Variants in ADGRD1 observed in about 807,000 individuals in gnomAD.
ADGRD1 encodes G-protein coupled receptor 133.
In ADGRD1, 77 loss-of-function variants were observed where a neutral mutation model predicts 113.4. The observed-to-expected ratio is 0.68, with a 90% CI of 0.57 to 0.82. The LOEUF (loss-of-function observed/expected upper bound fraction) is 0.82. Among genes scored for constraint, ADGRD1 ranks in the 40% least tolerant of loss-of-function variants. The pLI, the probability that ADGRD1 is intolerant of heterozygous loss-of-function variation, is 0.00. For synonymous variants in ADGRD1, 474 were observed against 475.0 expected (o/e 1.00, Z 0.03); for missense variants, 1,036 against 1,139.1 (o/e 0.91, Z 1.30).
In ADGRD1 at chr12:131,008,306, G is replaced by C. The variant is rs375390138; in HGVS notation, c.1331+2259G>C. On this transcript the variant is annotated intron_variant, in intron 12 of 24. Coordinates refer to ENST00000261654, the MANE Select transcript of ADGRD1 (RefSeq NM_198827.5). ...CCGTGCGGGCAGCACGTTTATGTGC[G>C]CACATATGCCGGGTTCCTGCCAGCC... Among the ~76,000 whole-genome samples the C allele has an allele frequency of 3.9e-5, 6 of 152,228 alleles. No individual in the cohort carries two copies. The South Asian group carries it at 6.2e-4, about 16-fold the overall frequency.
At chr12:131,125,782 A>T (rs985082002) in intron 20 of ADGRD1, among the ~76,000 whole-genome samples, 1 of 152,234 alleles carries the variant, frequency 6.6e-6, no homozygotes, top group Non-Finnish European at 1.5e-5. Context: ...CCTACAGAAC[A>T]TCATAGCCTA....
chr12:131,002,208 A>G (rs1177120724), intron 9 of ADGRD1, among the ~76,000 whole-genome samples: 2 of 152,228 alleles, frequency 1.3e-5, no homozygotes, highest in Non-Finnish European at 2.9e-5. Flanking sequence ...TTGAATGCAA[A>G]ATATGCAAAT....
chr12:130,958,069 C>A, intron 2 of ADGRD1: 1 of 156,534 alleles, frequency 6.4e-6, no homozygotes. Context: ...TCCCTTCCTC[C>A]TCACTGTTCC....
intron 20 of ADGRD1, among the ~76,000 whole-genome samples, chr12:131,125,330 C>A (rs1950715323): frequency 6.6e-6 from 1 of 152,130 alleles, no homozygotes; most frequent in South Asian, 2.1e-4. Context: ...ATGTCAGGGG[C>A]ACTTTAGCCT....
chr12:130,959,630 A>T (rs937440777), intron 2 of ADGRD1, among the ~76,000 whole-genome samples: 2 of 152,200 alleles, frequency 1.3e-5, no homozygotes, highest in African/African-American at 4.8e-5. Context: ...TTTGCTAGTC[A>T]TCTGGTAAAC....
chr12:131,006,125 C>A, intron 12 of ADGRD1, 78 bp downstream of exon 12: 2 of 1,173,136 alleles, frequency 1.7e-6, no homozygotes, highest in Non-Finnish European at 1.3e-6. Context: ...GGATGCCCGC[C>A]CCACACGCAC....
At chr12:131,135,712 T>C (rs66624209) in intron 21 of ADGRD1, among the ~76,000 whole-genome samples, 32,845 of 104,608 alleles carry the variant, frequency 0.31, 3,960 homozygotes, top group South Asian at 0.38. Context: ...TCCGTCCTGG[T>C]TCCTCCTCAT....
At position 131,004,378 on chromosome 12, in the gene ADGRD1, C is replaced by T. The variant is rs1026950609; in HGVS notation, c.1255+82C>T. The T allele has an allele frequency of 2.0e-5, 17 of 856,022 alleles. No homozygotes were observed. The Admixed American group carries it at 3.4e-4, about 17-fold the overall frequency. The allele number at this position is 856,022 out of a possible 1,614,324, so 53.0% of individuals were successfully genotyped here. A position where few individuals can be genotyped will look rare whatever the true frequency, so the allele number is the denominator to read the frequency against. On this transcript the variant is annotated intron_variant, in intron 11 of 24. Coordinates refer to ENST00000261654, the MANE Select transcript of ADGRD1 (RefSeq NM_198827.5). ...GAGTCCCCAAGCTTTGCTGGGTGCC[C>T]ACCGCGCCAGGGAGCTGCGGTGCTC...
intron 14 of ADGRD1, among the ~76,000 whole-genome samples, chr12:131,079,781 C>T (rs142405734): frequency 7.4e-4 from 112 of 152,156 alleles, no homozygotes; most frequent in African/African-American, 2.5e-3. Context: ...TGTGGTATTC[C>T]GTTGTTAGCC....
At chr12:131,035,777 G>T (rs952353796) in intron 13 of ADGRD1, among the ~76,000 whole-genome samples, 1 of 152,150 alleles carries the variant, frequency 6.6e-6, no homozygotes, top group African/African-American at 2.4e-5. Flanking sequence ...ATCAAAAGGA[G>T]AAAAATGGAT....
chr12:131,032,671 C>T (rs577545667), intron 13 of ADGRD1, among the ~76,000 whole-genome samples: 1 of 151,998 alleles, frequency 6.6e-6, no homozygotes, highest in African/African-American at 2.4e-5. Context: ...ATCACCACCC[C>T]GTCACAGAGA....
In ADGRD1 at chr12:131,139,506, T is replaced by G; in HGVS notation, c.*243T>G. 2.1e-6 allele frequency: 1 copy of G among 487,462 alleles called. No individual in the cohort carries two copies. Among genetic ancestry groups the G allele is most frequent in the Non-Finnish European group, 3.8e-6 (1 of 266,082 alleles). 30.2% of individuals were successfully genotyped at this position (487,462 alleles called of 1,614,324 possible). ...GCATCCACCCGTGGGCTGAGTGACT[T>G]CCTCGGGGGATTCCCAGGACACAGT... On this transcript the variant is annotated 3_prime_UTR_variant, in exon 25 of 25. Transcript: ENST00000261654.
Position 131,003,462 on chromosome 12 carries a change from ATGAGG to A in ADGRD1, c.1144+161_1144+165del, listed in dbSNP as rs1876660181. Among the ~76,000 whole-genome samples the A allele has an allele frequency of 6.6e-6, 1 of 152,194 alleles. No homozygotes were observed. Among genetic ancestry groups the A allele is most frequent in the Non-Finnish European group, 1.5e-5 (1 of 68,036 alleles). On this transcript the variant is annotated intron_variant, in intron 10 of 24. Coordinates refer to ENST00000261654, the MANE Select transcript of ADGRD1 (RefSeq NM_198827.5). The surrounding 1 kb of genome is among the most constrained non-coding windows in gnomAD (Gnocchi z 4.8). ...ATTTGGAAGGAAAACCCGTGGTCAG[ATGAGG>A]GCAGGTGTGTTCGGCCATGATATGC...
intron 13 of ADGRD1, among the ~76,000 whole-genome samples, chr12:131,059,200 G>C (rs755407892): frequency 1.3e-5 from 2 of 152,080 alleles, no homozygotes; most frequent in Non-Finnish European, 2.9e-5. Flanking sequence ...TTTTGAGACA[G>C]AGTCTCACTC....
chr12:131,037,344 G>A (rs972167721), intron 13 of ADGRD1, among the ~76,000 whole-genome samples: 2 of 145,970 alleles, frequency 1.4e-5, no homozygotes, highest in Non-Finnish European at 3.0e-5. Flanking sequence ...ACTGCACCGG[G>A]CCTCACTCAC....
chr12:131,020,776 C>G (rs150252123), intron 13 of ADGRD1, among the ~76,000 whole-genome samples: 1 of 152,234 alleles, frequency 6.6e-6, no homozygotes, highest in African/African-American at 2.4e-5. Context: ...ACTAGGCCCT[C>G]CTCTAGGTGT....
At chr12:131,063,381 C>A (rs1210789149) in intron 13 of ADGRD1, among the ~76,000 whole-genome samples, 2 of 152,194 alleles carry the variant, frequency 1.3e-5, no homozygotes, top group African/African-American at 4.8e-5. Context: ...TTTCATCAAA[C>A]TCTTGGTCCC....
Position 130,971,394 on chromosome 12 carries a change from ACAT to A in ADGRD1, c.188-62_188-60del. 1 of 1,403,648 alleles carries A rather than the reference ACAT, an allele frequency of 7.1e-7. No individual in the cohort carries two copies. The highest frequency in any genetic ancestry group is 2.4e-5 in the East Asian group (1 of 42,480). The allele number at this position is 1,403,648 out of a possible 1,614,324, so 86.9% of individuals were successfully genotyped here. On this transcript the variant is annotated intron_variant, in intron 3 of 24. Transcript: ENST00000261654. This position sits in a 1 kb window ranked among gnomAD's most constrained non-coding sequence, Gnocchi z 4.2. ...CATAAGTTATTTGTAGGTCTGACAC[ACAT>A]CTTCAGACTTTTAATCTCGGAAGGT...
chr12:131,061,880 TC>T (rs1440981805), intron 13 of ADGRD1, among the ~76,000 whole-genome samples: 1 of 152,248 alleles, frequency 6.6e-6, no homozygotes, highest in Non-Finnish European at 1.5e-5. Context: ...GTAAATAGAA[TC>T]ATACAGTAAG....
Sources: gnomAD v4.1 joint callset for allele counts (sites outside exome capture counted in the v4.1 genomes callset) on GRCh38, gnomAD v4.1.1 for gene constraint, Gnocchi (gnomAD v3.1) non-coding constraint, MANE v1.5 for transcripts, NCBI Gene and HGNC (gene_info 2026-07-23, HGNC 2026-07-21) for gene names.